EML4: variants seen among roughly 807,000 people sequenced by gnomAD.
EML4 encodes echinoderm microtubule-associated protein-like 4.
In EML4, 72 loss-of-function variants were observed where a neutral mutation model predicts 129.0. The observed-to-expected ratio is 0.56, with a 90% CI of 0.46 to 0.68. The LOEUF (loss-of-function observed/expected upper bound fraction) is 0.68, where lower values mean the gene tolerates loss of function less well. Among genes scored for constraint, EML4 ranks in the 30% least tolerant of loss-of-function variants. EML4 has a pLI of 0.00. For synonymous variants in EML4, 532 were observed against 405.0 expected (o/e 1.31, Z -3.77); for missense variants, 1,363 against 1,190.6 (o/e 1.14, Z -2.13).
At chr2:42,216,473 C>T (rs992221164) in intron 1 of EML4, among the ~76,000 whole-genome samples, 22 of 151,632 alleles carry the variant, frequency 1.5e-4, no homozygotes, top group Admixed American at 6.6e-5. Context: ...GAACTCCTGA[C>T]GTCGTGATCC....
chr2:42,194,950 A>G (rs1671816534), intron 1 of EML4, among the ~76,000 whole-genome samples: 1 of 152,232 alleles, frequency 6.6e-6, no homozygotes, highest in South Asian at 2.1e-4. Context: ...AAATATGCTT[A>G]TAAATGCTAA....
chr2:42,184,385 T>TCCCCCCA (rs1671124176), intron 1 of EML4, among the ~76,000 whole-genome samples: 1 of 77,264 alleles, frequency 1.3e-5, no homozygotes, highest in Admixed American at 2.1e-4. Flanking sequence ...CCCTCCCCCC[T>TCCCCCCA]CCCCCCACCC....
chr2:42,306,217 G>A (rs540300525), intron 17 of EML4, among the ~76,000 whole-genome samples: 11 of 152,126 alleles, frequency 7.2e-5, no homozygotes, highest in South Asian at 2.1e-4. Flanking sequence ...CATTTGGACC[G>A]AGTTTGGTCC....
At chr2:42,219,840 C>G (rs1673450900) in intron 1 of EML4, among the ~76,000 whole-genome samples, 1 of 151,218 alleles carries the variant, frequency 6.6e-6, no homozygotes, top group Admixed American at 6.6e-5. Context: ...GCAGGAGAAT[C>G]ACTTGAACCT....
At chr2:42,257,836 C>CAAA (rs35916468) in intron 3 of EML4, among the ~76,000 whole-genome samples, 1 of 110,708 alleles carries the variant, frequency 9.0e-6, no homozygotes, top group Non-Finnish European at 1.8e-5. Context: ...GACTCCGTCT[C>CAAA]AAAAAAAAAA....
In EML4 at chr2:42,169,479, G is replaced by A; in HGVS notation, c.-133G>A. 1 of 1,055,152 alleles carries A rather than the reference G, an allele frequency of 9.5e-7. No homozygotes were observed. The highest frequency in any genetic ancestry group is 1.3e-6 in the Non-Finnish European group (1 of 752,588). The allele number at this position is 1,055,152 out of a possible 1,614,324, so 65.4% of individuals were successfully genotyped here. A position where few individuals can be genotyped will look rare whatever the true frequency, so the allele number is the denominator to read the frequency against. Reference sequence around the variant, plus strand: ...ACCCCAGGGCGAACGGACGGACGACGGAGGCGGGAGCCGGTAGCCGAGCCG... The same window carrying A: ...ACCCCAGGGCGAACGGACGGACGACAGAGGCGGGAGCCGGTAGCCGAGCCG... On this transcript the variant is annotated 5_prime_UTR_variant, in exon 1 of 23. Transcript: ENST00000318522.
chr2:42,285,573 A>G (rs981304540), intron 9 of EML4, among the ~76,000 whole-genome samples: 1 of 150,652 alleles, frequency 6.6e-6, no homozygotes, highest in Non-Finnish European at 1.5e-5. Flanking sequence ...CTGGATTAGA[A>G]TCCTGACTCC....
intron 11 of EML4, among the ~76,000 whole-genome samples, chr2:42,293,219 C>G (rs775808727): frequency 1.3e-5 from 2 of 151,818 alleles, no homozygotes; most frequent in Non-Finnish European, 2.9e-5. Flanking sequence ...AATGAATCCT[C>G]CAGCCTCAGC....
At chr2:42,248,611 C>G (rs926079173) in intron 2 of EML4, among the ~76,000 whole-genome samples, 1 of 152,144 alleles carries the variant, frequency 6.6e-6, no homozygotes, top group Non-Finnish European at 1.5e-5. Context: ...TCTGGAGCCA[C>G]AGAACCATCT....
intron 1 of EML4, among the ~76,000 whole-genome samples, chr2:42,191,296 T>C (rs1373214058): frequency 6.6e-6 from 1 of 152,172 alleles, no homozygotes; most frequent in Admixed American, 6.5e-5. Flanking sequence ...CTTCCATTTC[T>C]CTCTATATGT....
At chr2:42,196,388 C>A (rs1671897337) in intron 1 of EML4, among the ~76,000 whole-genome samples, 1 of 152,214 alleles carries the variant, frequency 6.6e-6, no homozygotes, top group Admixed American at 6.5e-5. Flanking sequence ...TTTAGCCCTT[C>A]TGTCTCCAGG....
intron 1 of EML4, among the ~76,000 whole-genome samples, chr2:42,197,478 C>G (rs751140509): frequency 2.0e-5 from 3 of 151,636 alleles, no homozygotes; most frequent in Non-Finnish European, 4.4e-5. Context: ...GATAAGAGTT[C>G]TGTTTGCAAA....
rs900331583 is a variant in EML4 at position 42,330,757 on chromosome 2, C to T, written c.*550C>T. 15 of 218,792 alleles carry T rather than the reference C, an allele frequency of 6.9e-5. No individual in the cohort carries two copies. The highest frequency in any genetic ancestry group is 1.1e-4 in the Non-Finnish European group (12 of 107,348). The allele number at this position is 218,792 out of a possible 1,614,324, so 13.6% of individuals were successfully genotyped here. A position where few individuals can be genotyped will look rare whatever the true frequency, so the allele number is the denominator to read the frequency against. On this transcript the variant is annotated 3_prime_UTR_variant, in exon 23 of 23. Transcript: ENST00000318522. ...TTGCCAAGTGCAATGGTGTTGCCTT[C>T]TTTAAAAAATGCCGTTTTCTTACAC... is the stretch of plus-strand genomic sequence containing the variant.
intron 1 of EML4, among the ~76,000 whole-genome samples, chr2:42,191,797 C>T (rs558421637): frequency 5.6e-4 from 86 of 152,284 alleles, no homozygotes; most frequent in Non-Finnish European, 1.1e-3. Flanking sequence ...TGGTGGCTCA[C>T]GCCTATAATC....
intron 1 of EML4, among the ~76,000 whole-genome samples, chr2:42,187,971 AT>A (rs370036941): frequency 1.5e-4 from 23 of 152,044 alleles, no homozygotes; most frequent in African/African-American, 5.6e-4. Flanking sequence ...TTTTGCTCTT[AT>A]TTTTAGGTCG....
chr2:42,284,959 C>G (rs1002855784), intron 9 of EML4, among the ~76,000 whole-genome samples: 3 of 152,120 alleles, frequency 2.0e-5, no homozygotes, highest in Non-Finnish European at 2.9e-5. Context: ...AAAACTGATA[C>G]GCTCGTTACA....
chr2:42,283,929 A>G (rs979688362), intron 8 of EML4, among the ~76,000 whole-genome samples: 19 of 152,354 alleles, frequency 1.2e-4, no homozygotes, highest in African/African-American at 4.3e-4. Flanking sequence ...ATTTAAGAGC[A>G]AGAGAATGTT....
chr2:42,170,674 C>G (rs1670217130), intron 1 of EML4, among the ~76,000 whole-genome samples: 1 of 152,212 alleles, frequency 6.6e-6, no homozygotes, highest in East Asian at 1.9e-4. Flanking sequence ...GTGAGAGAAA[C>G]AGTTTCAGCT....
At chr2:42,303,472 A>T in intron 16 of EML4, 26 bp downstream of exon 16, 1 of 1,607,612 alleles carries the variant, frequency 6.2e-7, no homozygotes, top group Middle Eastern at 1.7e-4. Context: ...TGTGATTATT[A>T]ACCTCCCCAC....
Sources: allele counts gnomAD v4.1 joint callset (sites outside exome capture counted in the v4.1 genomes callset), GRCh38; gene constraint gnomAD v4.1.1; transcripts MANE v1.5; gene names NCBI Gene and HGNC (gene_info 2026-07-23, HGNC 2026-07-21).